CD22: variants seen among roughly 807,000 people sequenced by gnomAD.
CD22 encodes the protein B-cell receptor CD22.
In CD22, 51 loss-of-function variants were observed where a neutral mutation model predicts 94.7. The observed-to-expected ratio is 0.54, with a 90% CI of 0.43 to 0.68. The LOEUF (loss-of-function observed/expected upper bound fraction) is 0.68. Ranked by LOEUF, CD22 falls within the 30% of genes least tolerant of loss-of-function variation. The probability of loss-of-function intolerance (pLI) is 0.00; values close to 1 mark genes in which losing one functional copy is unlikely to be tolerated. For missense variants in CD22, 931 were observed against 1,060.4 expected (o/e 0.88, Z 1.69); for synonymous variants, 424 against 422.5 (o/e 1.00, Z -0.04).
At position 35,341,187 on chromosome 19, in the gene CD22, A is replaced by G; in HGVS notation, c.1507+49A>G. On this transcript the variant is annotated intron_variant, in intron 7 of 13. Coordinates refer to ENST00000085219, the MANE Select transcript of CD22 (RefSeq NM_001771.4). This position sits in a 1 kb window ranked among gnomAD's most constrained non-coding sequence, Gnocchi z 4.0. Reference sequence around the variant, plus strand: ...GGATCTGGGAGGTGGCCCGGCTGGGATGAGGGGATGAAGGCAACGAGGCCG... The same window carrying G: ...GGATCTGGGAGGTGGCCCGGCTGGGGTGAGGGGATGAAGGCAACGAGGCCG... 6.2e-7 allele frequency: 1 copy of G among 1,610,762 alleles called. No individual in the cohort carries two copies. Among genetic ancestry groups the G allele is most frequent in the Non-Finnish European group, 8.5e-7 (1 of 1,177,598 alleles).
At chr19:35,338,462 G>T in intron 6 of CD22, 31 bp downstream of exon 6, 1 of 1,594,380 alleles carries the variant, frequency 6.3e-7, no homozygotes, top group Non-Finnish European at 8.6e-7. Context: ...TGGTTCTAGG[G>T]AGAGAAGATG....
At chr19:35,344,169 C>CT (rs11458571) in intron 9 of CD22, among the ~76,000 whole-genome samples, 33,997 of 151,568 alleles carry the variant, frequency 0.22, 3,934 homozygotes, top group Admixed American at 0.3. Context: ...GCACTCCAGC[C>CT]TGGGTGAAAG....
Position 35,346,223 on chromosome 19 carries a change from C to G in CD22, c.2400C>G (p.His800Gln). The G allele has an allele frequency of 6.2e-7, 1 of 1,613,794 alleles. No homozygotes were observed. The highest frequency in any genetic ancestry group is 8.5e-7 in the Non-Finnish European group (1 of 1,179,672). ...ACACGGTCACTTATTCAGCATTGCA[C>G]AAGCGCCAAGTGGTAAGGAGGGTCT... Reference protein sequence around the residue: ...CDDTVTYSALHKRQVGDYENV... With the variant: ...CDDTVTYSALQKRQVGDYENV... Residue 800 changes from histidine to glutamine, a missense_variant, in exon 13 of 14, where the codon CAC (histidine) becomes CAG (glutamine). Physicochemically the swap from His to Gln is conservative, Grantham distance 24 (BLOSUM62 0). Coordinates refer to ENST00000085219, the MANE Select transcript of CD22 (RefSeq NM_001771.4).
chr19:35,335,889 A>C (rs2066716251), intron 3 of CD22, 147 bp from the exon 4 acceptor site: 1 of 672,420 alleles, frequency 1.5e-6, no homozygotes, highest in Non-Finnish European at 2.6e-6. Context: ...CAACAATAAC[A>C]ACAAAAAAAC....
intron 11 of CD22, 128 bp downstream of exon 11, chr19:35,345,254 CA>C: frequency 1.3e-6 from 1 of 774,002 alleles, no homozygotes; most frequent in Non-Finnish European, 2.2e-6. Flanking sequence ...CCTGTCTCTA[CA>C]AAAAATATTT....
At chr19:35,330,131 C>A (rs1372783678) in intron 1 of CD22, among the ~76,000 whole-genome samples, 1 of 152,138 alleles carries the variant, frequency 6.6e-6, no homozygotes, top group Admixed American at 6.5e-5. Flanking sequence ...TTGAAACCAG[C>A]CTGGCCAACA....
chr19:35,341,600 G>T lies in CD22; in HGVS notation c.1765G>T (p.Val589Leu). ...QTASKAWTLEVLYAPRRLRVS... is the reference protein window; with the variant it reads ...QTASKAWTLELLYAPRRLRVS... ...AGCGTCCAAGGCCTGGACACTTGAA[G>T]TGCTGTGTGAGTGAGGGCCGGAGGC... The change falls in exon 8 of 14, where the codon GTG (valine) becomes TTG (leucine). Residue 589 changes from valine to leucine, a missense_variant. Physicochemically the swap from Val to Leu is conservative, Grantham distance 32. Coordinates refer to ENST00000085219, the MANE Select transcript of CD22 (RefSeq NM_001771.4). The surrounding 1 kb of genome is among the most constrained non-coding windows in gnomAD (Gnocchi z 4.0). 6.2e-7 allele frequency: 1 copy of T among 1,610,610 alleles called. No individual in the cohort carries two copies. The highest frequency in any genetic ancestry group is 8.5e-7 in the Non-Finnish European group (1 of 1,177,136).
At chr19:35,334,038 C>T (rs1881468135) in intron 3 of CD22, among the ~76,000 whole-genome samples, 1 of 152,184 alleles carries the variant, frequency 6.6e-6, no homozygotes. Flanking sequence ...TGCTTAGAAG[C>T]TGAGATAGGA....
At position 35,345,189 on chromosome 19, in the gene CD22, A is replaced by G. The variant is rs548286380; in HGVS notation, c.2208+63A>G. 820 of 1,434,884 alleles carry G rather than the reference A, an allele frequency of 5.7e-4. 3 individuals carry two copies. The highest frequency in any genetic ancestry group is 5.3e-3 in the Middle Eastern group (24 of 4,562). 88.9% of individuals were successfully genotyped at this position (1,434,884 alleles called of 1,614,324 possible). A position where few individuals can be genotyped will look rare whatever the true frequency, so the allele number is the denominator to read the frequency against. On this transcript the variant is annotated intron_variant, in intron 11 of 13. Coordinates refer to ENST00000085219, the MANE Select transcript of CD22 (RefSeq NM_001771.4). Reference sequence around the variant, plus strand: ...TCCCAGCACTTTGGGAGGCTGAGGCAGGTGGATCACCTGAGGTCAGGAGTT... The same window carrying G: ...TCCCAGCACTTTGGGAGGCTGAGGCGGGTGGATCACCTGAGGTCAGGAGTT...
At chr19:35,345,819 C>A in intron 12 of CD22, 99 bp downstream of exon 12, 1 of 830,596 alleles carries the variant, frequency 1.2e-6, no homozygotes, top group Non-Finnish European at 2.0e-6. Flanking sequence ...CCATGCCAGG[C>A]ACCCTGATAC....
chr19:35,331,783 G>C (rs1299163657), intron 1 of CD22: 10 of 645,522 alleles, frequency 1.5e-5, no homozygotes, highest in East Asian at 8.2e-5. Flanking sequence ...GGAAGCAGAG[G>C]TTGCAGTGAG....
intron 1 of CD22, 141 bp downstream of exon 1, chr19:35,329,371 T>C (rs1208022122): frequency 2.2e-6 from 1 of 460,164 alleles, no homozygotes; most frequent in Non-Finnish European, 4.2e-6. Context: ...CAACAGGTTG[T>C]AGACAGACCC....
At chr19:35,339,122 G>A (rs2066769021) in intron 6 of CD22, among the ~76,000 whole-genome samples, 1 of 152,132 alleles carries the variant, frequency 6.6e-6, no homozygotes, top group Non-Finnish European at 1.5e-5. Context: ...TGTGGTCCCA[G>A]CTACTGGGGA....
chr19:35,335,978 G>A (rs909523039), intron 3 of CD22, 58 bp from the exon 4 acceptor site: 2 of 1,464,236 alleles, frequency 1.4e-6, no homozygotes, highest in Non-Finnish European at 1.9e-6. Flanking sequence ...TCTAAAGCCA[G>A]GTGTACGCTC....
In CD22 at chr19:35,341,743, C is replaced by A. The variant is rs779307102; in HGVS notation, c.1813C>A (p.Gln605Lys). The A allele has an allele frequency of 1.9e-6, 3 of 1,611,434 alleles. No individual in the cohort carries two copies. The highest frequency in any genetic ancestry group is 1.7e-5 in the Admixed American group (1 of 60,014). ...GCGTGTGTCCATGAGCCCGGGGGAC[C>A]AAGTGATGGAGGGGAAGAGTGCAAC... is the stretch of plus-strand genomic sequence containing the variant. ...RLRVSMSPGD[Q>K]VMEGKSATLT... The change falls in exon 9 of 14, where the codon CAA (glutamine) becomes AAA (lysine). Residue 605 changes from glutamine (Q) to lysine (K), a missense_variant. By Grantham distance (53) the Gln-to-Lys change is moderately conservative. Transcript: ENST00000085219. This position sits in a 1 kb window ranked among gnomAD's most constrained non-coding sequence, Gnocchi z 4.0.
In CD22 at chr19:35,338,328, C is replaced by T. The variant is rs954641204; in HGVS notation, c.1146C>T (p.His382=). The change falls in exon 6 of 14, where the codon CAC becomes CAT. Residue 382 remains histidine (H), a synonymous_variant. Transcript: ENST00000085219. Reference sequence around the variant, plus strand: ...AGGGAAGGACAGAGGAGAAAGTCCACATCCCAAAGATCCTCCCCTGGCACG... The same window carrying T: ...AGGGAAGGACAGAGGAGAAAGTCCATATCCCAAAGATCCTCCCCTGGCACG... ...EMQGRTEEKV[H]IPKILPWHAG... 5.0e-6 allele frequency: 8 copies of T among 1,614,138 alleles called. No homozygotes were observed. Among genetic ancestry groups the T allele is most frequent in the African/African-American group, 2.7e-5 (2 of 74,954 alleles).
chr19:35,345,644 T>C lies in CD22; in HGVS notation c.2251T>C (p.Cys751Arg). The C allele has an allele frequency of 6.2e-7, 1 of 1,613,790 alleles. No individual in the cohort carries two copies. Among genetic ancestry groups the C allele is most frequent in the Non-Finnish European group, 8.5e-7 (1 of 1,179,770 alleles). The change falls in exon 12 of 14, where the codon TGC becomes CGC. Residue 751 changes from cysteine (C) to arginine (R), a missense_variant. Cys to Arg is a radical substitution (Grantham distance 180). Coordinates refer to ENST00000085219, the MANE Select transcript of CD22 (RefSeq NM_001771.4). The stretch of plus-strand genomic sequence containing the variant: ...CTCTGAAGGCCCCCACTCCCTGGGA[T>C]GCTACAATCCAATGATGGAAGATGG... ...PLSEGPHSLG[C>R]YNPMMEDGIS...
Position 35,338,281 on chromosome 19 carries a change from TACC to T in CD22, c.1102_1104del (p.His368del), listed in dbSNP as rs1170574024. The T allele has an allele frequency of 6.2e-7, 1 of 1,614,146 alleles. No individual in the cohort carries two copies. Among genetic ancestry groups the T allele is most frequent in the East Asian group, 2.2e-5 (1 of 44,878 alleles). Reference sequence around the variant, plus strand: ...TCCTCTTCCAACAAATTACACGTGGTACCACAATGGGAAAGAAATGCAGGGAAG... The same window carrying T: ...TCCTCTTCCAACAAATTACACGTGGTACAATGGGAAAGAAATGCAGGGAAG... On this transcript the variant is annotated inframe_deletion, in exon 6 of 14. Transcript: ENST00000085219.
chr19:35,338,837 G>A (rs528704347), intron 6 of CD22, among the ~76,000 whole-genome samples: 2 of 152,050 alleles, frequency 1.3e-5, no homozygotes, highest in African/African-American at 4.8e-5. Context: ...CACCGTGTTA[G>A]CCAGGATGGT....
Sources: allele counts gnomAD v4.1 joint callset (sites outside exome capture counted in the v4.1 genomes callset), GRCh38; gene constraint gnomAD v4.1.1; non-coding constraint Gnocchi (gnomAD v3.1); transcripts MANE v1.5; gene names NCBI Gene and HGNC (gene_info 2026-07-23, HGNC 2026-07-21).